Variants in SPOCK3 observed in about 807,000 individuals in gnomAD.
The protein encoded by SPOCK3 is SPARC (osteonectin), cwcv and kazal like domains proteoglycan 3.
SPOCK3 carries 30 observed loss-of-function variants against 56.6 expected under a neutral mutation model. The observed-to-expected ratio is 0.53, with a 90% confidence interval of 0.40 to 0.72. The LOEUF (loss-of-function observed/expected upper bound fraction) is 0.72, where lower values mean the gene tolerates loss of function less well. Ranked by LOEUF, SPOCK3 falls within the 30% of genes least tolerant of loss-of-function variation. The pLI is 0.00. For missense variants in SPOCK3, 527 were observed against 530.0 expected, an observed-to-expected ratio of 0.99 and a Z score of 0.06; for synonymous variants, 196 against 183.3, an observed-to-expected ratio of 1.07 and a Z score of -0.56.
At chr4:167,184,399 G>A (rs751156270) in intron 2 of SPOCK3, among the ~76,000 whole-genome samples, 1 of 152,032 alleles carries the variant, frequency 6.6e-6, no homozygotes, top group Non-Finnish European at 1.5e-5. Context: ...CATGATAATT[G>A]GTACTCTGTC....
intron 4 of SPOCK3, among the ~76,000 whole-genome samples, chr4:166,950,065 G>A (rs1579765160): frequency 6.7e-6 from 1 of 150,286 alleles, no homozygotes; most frequent in South Asian, 2.1e-4. Context: ...ATAATGACAG[G>A]ATCAAATTCA....
chr4:166,860,992 C>A (rs1450000017), intron 6 of SPOCK3, among the ~76,000 whole-genome samples: 1 of 151,416 alleles, frequency 6.6e-6, no homozygotes, highest in Non-Finnish European at 1.5e-5. Context: ...ATGGGAAGAG[C>A]CTTAACTGTC....
rs188004761 is a variant in SPOCK3 at position 167,129,753 on chromosome 4, G to A, written c.190-67216C>T. On this transcript the variant is annotated intron_variant, in intron 2 of 10. Transcript: ENST00000357545. ...TAGAAGCTTGTATTTCACAGTGAAA[G>A]AACCTAGATAAAAAATAAAATATAA... is the stretch of plus-strand genomic sequence containing the variant. Among the ~76,000 whole-genome samples the A allele has an allele frequency of 1.7e-3, 257 of 152,134 alleles. 1 individual carries two copies. The highest frequency in any genetic ancestry group is 5.7e-3 in the African/African-American group (235 of 41,518).
chr4:167,043,342 T>C (rs1348418694), intron 3 of SPOCK3, among the ~76,000 whole-genome samples: 5 of 152,084 alleles, frequency 3.3e-5, no homozygotes, highest in Admixed American at 1.3e-4. Context: ...CTTGTTATAA[T>C]CTTTATTAAT....
At chr4:167,033,031 C>T (rs1752419063) in intron 3 of SPOCK3, among the ~76,000 whole-genome samples, 1 of 151,928 alleles carries the variant, frequency 6.6e-6, no homozygotes, top group Admixed American at 6.6e-5. Context: ...AGATACTCAG[C>T]AGGATTGCCC....
intron 2 of SPOCK3, among the ~76,000 whole-genome samples, chr4:167,131,648 G>A (rs1177865298): frequency 6.6e-6 from 1 of 152,036 alleles, no homozygotes; most frequent in Non-Finnish European, 1.5e-5. Context: ...AAACCTGGGA[G>A]TATACAGATA....
intron 6 of SPOCK3, among the ~76,000 whole-genome samples, chr4:166,832,701 A>G (rs533069010): frequency 7.9e-5 from 12 of 152,212 alleles, no homozygotes; most frequent in African/African-American, 2.7e-4. Context: ...GTACTTACAC[A>G]TCATGGAATA....
chr4:166,865,765 T>C (rs1236082932), intron 6 of SPOCK3, among the ~76,000 whole-genome samples: 1 of 151,862 alleles, frequency 6.6e-6, no homozygotes, highest in Non-Finnish European at 1.5e-5. Flanking sequence ...AAACCACAGC[T>C]CAAGGAAATA....
intron 3 of SPOCK3, among the ~76,000 whole-genome samples, chr4:167,015,482 A>C (rs1329064486): frequency 1.3e-5 from 2 of 152,190 alleles, no homozygotes; most frequent in Non-Finnish European, 2.9e-5. Flanking sequence ...TTTTTCAAAT[A>C]ATTTCTTCTT....
chr4:166,749,939 T>G lies in SPOCK3; in HGVS notation c.931+4569A>C, dbSNP rs1736162876. On this transcript the variant is annotated intron_variant, in intron 8 of 10. Transcript: ENST00000357545. ...AGTTCTTCTAGTTGCAATTGGCTAGTTATTGTAAAGCAGAAATAGGATTTC... is the reference window on the plus strand; with the variant it reads ...AGTTCTTCTAGTTGCAATTGGCTAGGTATTGTAAAGCAGAAATAGGATTTC... Among the ~76,000 whole-genome samples, 2 of 152,168 alleles carry G rather than the reference T, an allele frequency of 1.3e-5. 1 individual carries two copies. The highest frequency in any genetic ancestry group is 1.3e-4 in the Admixed American group (2 of 15,252).
At chr4:167,125,903 C>T (rs903282803) in intron 2 of SPOCK3, among the ~76,000 whole-genome samples, 4 of 151,956 alleles carry the variant, frequency 2.6e-5, no homozygotes, top group South Asian at 2.1e-4. Context: ...TTATTATTTC[C>T]GATTTACAGT....
In SPOCK3 at chr4:166,770,150, C is replaced by T. The variant is rs139868590; in HGVS notation, c.710-15421G>A. On this transcript the variant is annotated intron_variant, in intron 7 of 10. Coordinates refer to ENST00000357545, the MANE Select transcript of SPOCK3 (RefSeq NM_001040159.2). ...TTGAGCTTCCCTGGTGAGGTGATGCCTCACCCTGCTTCAGCTCACACTGGT... is the reference window on the plus strand; with the variant it reads ...TTGAGCTTCCCTGGTGAGGTGATGCTTCACCCTGCTTCAGCTCACACTGGT... 7.9e-5 allele frequency among the ~76,000 whole-genome samples: 12 copies of T among 152,222 alleles called. No homozygotes were observed. The East Asian group carries it at 2.3e-3, about 29-fold the overall frequency.
intron 4 of SPOCK3, among the ~76,000 whole-genome samples, chr4:166,956,528 A>G (rs188932601): frequency 6.6e-6 from 1 of 152,312 alleles, no homozygotes; most frequent in East Asian, 1.9e-4. Flanking sequence ...GCAAGAAGGT[A>G]TGAGACTTCA....
chr4:166,782,670 T>A (rs1372753720), intron 7 of SPOCK3, among the ~76,000 whole-genome samples: 2 of 152,058 alleles, frequency 1.3e-5, no homozygotes, highest in African/African-American at 2.4e-5. Context: ...ATAGGTAGCA[T>A]TTAAAAAGAA....
At chr4:166,961,931 A>C (rs1256729627) in intron 4 of SPOCK3, among the ~76,000 whole-genome samples, 1 of 152,058 alleles carries the variant, frequency 6.6e-6, no homozygotes, top group Non-Finnish European at 1.5e-5. Flanking sequence ...AGGAGTTCAA[A>C]CATCATAGCA....
At chr4:166,746,097 A>G (rs1735573786) in intron 8 of SPOCK3, among the ~76,000 whole-genome samples, 1 of 152,150 alleles carries the variant, frequency 6.6e-6, no homozygotes, top group South Asian at 2.1e-4. Context: ...AAGTTAACAA[A>G]GATATCCAGG....
intron 2 of SPOCK3, among the ~76,000 whole-genome samples, chr4:167,123,903 G>A (rs748438391): frequency 4.6e-5 from 7 of 151,610 alleles, no homozygotes; most frequent in East Asian, 1.9e-4. Flanking sequence ...ATACTGCCAC[G>A]CCTGGCTAAT....
chr4:166,777,801 A>G (rs1346242967), intron 7 of SPOCK3, among the ~76,000 whole-genome samples: 1 of 152,198 alleles, frequency 6.6e-6, no homozygotes, highest in East Asian at 1.9e-4. Flanking sequence ...GTTAAATCCT[A>G]GCTCTACCAT....
At chr4:166,961,669 A>G (rs1744163100) in intron 4 of SPOCK3, among the ~76,000 whole-genome samples, 1 of 152,138 alleles carries the variant, frequency 6.6e-6, no homozygotes, top group Non-Finnish European at 1.5e-5. Flanking sequence ...CTTAATGCTT[A>G]TACAAGAAAG....
Sources: allele counts gnomAD v4.1 joint callset (sites outside exome capture counted in the v4.1 genomes callset), GRCh38; gene constraint gnomAD v4.1.1; transcripts MANE v1.5; gene names NCBI Gene and HGNC (gene_info 2026-07-23, HGNC 2026-07-21).